ZBTB7C: variants seen among roughly 807,000 people sequenced by gnomAD.
ZBTB7C encodes zinc finger and BTB domain-containing protein 7C.
In ZBTB7C, 8 loss-of-function variants were observed where a neutral mutation model predicts 25.7. That is an observed-to-expected ratio of 0.31 (90% confidence interval 0.18 to 0.56). The LOEUF is 0.56. ZBTB7C is among the 20% of genes least tolerant of loss of function. The pLI is 0.91. For missense variants in ZBTB7C, 824 were observed against 855.2 expected, an observed-to-expected ratio of 0.96 and a Z score of 0.46; for synonymous variants, 394 against 369.0, an observed-to-expected ratio of 1.07 and a Z score of -0.78.
intron 2 of ZBTB7C, among the ~76,000 whole-genome samples, chr18:48,305,569 T>C (rs186593692): frequency 1.3e-4 from 20 of 152,260 alleles, no homozygotes; most frequent in Admixed American, 1.2e-3. Flanking sequence ...CTGGGTGCTA[T>C]AGAATCCAAG....
intron 1 of ZBTB7C, among the ~76,000 whole-genome samples, chr18:48,354,209 G>T (rs754696561): frequency 5.3e-5 from 8 of 152,134 alleles, no homozygotes; most frequent in Non-Finnish European, 1.2e-4. Context: ...GTTTGTTTAA[G>T]AGATGGGGTC....
chr18:48,395,264 A>ACTGTGT, intron 1 of ZBTB7C, among the ~76,000 whole-genome samples: 1 of 97,648 alleles, frequency 1.0e-5, no homozygotes, highest in East Asian at 4.3e-4. Flanking sequence ...AGAGAGAGAG[A>ACTGTGT]ATGTGTGTGT....
intron 2 of ZBTB7C, among the ~76,000 whole-genome samples, chr18:48,190,097 G>A (rs931601073): frequency 6.6e-6 from 1 of 152,126 alleles, no homozygotes; most frequent in African/African-American, 2.4e-5. Flanking sequence ...ATCATCATCC[G>A]TCCCTCTTCT....
chr18:48,204,159 C>T (rs2042523624), intron 2 of ZBTB7C, among the ~76,000 whole-genome samples: 1 of 152,206 alleles, frequency 6.6e-6, no homozygotes, highest in African/African-American at 2.4e-5. Context: ...CATCAGGTCA[C>T]ACTGCTTGCG....
At chr18:48,314,953 T>C (rs560169109) in intron 2 of ZBTB7C, among the ~76,000 whole-genome samples, 1 of 152,302 alleles carries the variant, frequency 6.6e-6, no homozygotes, top group African/African-American at 2.4e-5. Context: ...CTCCCCCTCC[T>C]GGGGGTCTGC....
chr18:48,086,748 G>A (rs534982802), intron 3 of ZBTB7C, among the ~76,000 whole-genome samples: 1 of 152,286 alleles, frequency 6.6e-6, no homozygotes, highest in African/African-American at 2.4e-5. Flanking sequence ...GGCTGAGCAG[G>A]CTTAGTACTT....
At chr18:48,368,862 T>C (rs931564866) in intron 1 of ZBTB7C, among the ~76,000 whole-genome samples, 14 of 152,148 alleles carry the variant, frequency 9.2e-5, no homozygotes, top group Admixed American at 6.5e-5. Context: ...CAAGTTATTC[T>C]GAGATAAAGG....
chr18:48,286,964 T>C (rs1023619075), intron 2 of ZBTB7C, among the ~76,000 whole-genome samples: 14 of 152,046 alleles, frequency 9.2e-5, no homozygotes, highest in Middle Eastern at 3.4e-3. Flanking sequence ...AGGTAGGAGA[T>C]TGCTTGAGCC....
At chr18:48,191,194 G>C (rs1284843878) in intron 2 of ZBTB7C, among the ~76,000 whole-genome samples, 1 of 152,172 alleles carries the variant, frequency 6.6e-6, no homozygotes, top group African/African-American at 2.4e-5. Flanking sequence ...CCAGCAGGTG[G>C]AAGATGAGCA....
intron 1 of ZBTB7C, among the ~76,000 whole-genome samples, chr18:48,369,897 T>C (rs1045066287): frequency 4.6e-5 from 7 of 152,104 alleles, no homozygotes; most frequent in Non-Finnish European, 8.8e-5. Context: ...CAATAGAATC[T>C]AATCAACATT....
At chr18:48,141,143 A>ACCCC (rs201273460) in intron 3 of ZBTB7C, among the ~76,000 whole-genome samples, 5 of 96,044 alleles carry the variant, frequency 5.2e-5, no homozygotes, top group Non-Finnish European at 8.5e-5. Flanking sequence ...TCCCCCCCGC[A>ACCCC]CCACCCCCCC....
rs1170358368 is a variant in ZBTB7C at position 48,029,464 on chromosome 18, C to G, written c.1656G>C (p.Glu552Asp). 2 of 1,597,346 alleles carry G rather than the reference C, an allele frequency of 1.3e-6. No homozygotes were observed. Among genetic ancestry groups the G allele is most frequent in the African/African-American group, 1.4e-5 (1 of 73,858 alleles). Residue 552 changes from glutamate (E) to aspartate (D), a missense_variant, in exon 5 of 5, where the codon GAG becomes GAC. By Grantham distance (45) the Glu-to-Asp change is conservative (BLOSUM62 2). Transcript: ENST00000590800. Reference sequence around the variant, plus strand: ...GCCCGAACAGCTTCATCTGTGTCTCCTCGAACTGCCGCTCCAGCTCTTGCA... The same window carrying G: ...GCCCGAACAGCTTCATCTGTGTCTCGTCGAACTGCCGCTCCAGCTCTTGCA... ...LSLQELERQFEETQMKLFGRA... is the reference protein window; with the variant it reads ...LSLQELERQFDETQMKLFGRA...
chr18:48,320,541 C>T (rs2046065363), intron 2 of ZBTB7C, among the ~76,000 whole-genome samples: 1 of 152,144 alleles, frequency 6.6e-6, no homozygotes, highest in Admixed American at 6.5e-5. Context: ...TGAGAGATGA[C>T]AGTGGAAGAG....
At chr18:48,082,347 G>A (rs537535810) in intron 3 of ZBTB7C, among the ~76,000 whole-genome samples, 17 of 152,140 alleles carry the variant, frequency 1.1e-4, no homozygotes, top group Non-Finnish European at 2.2e-4. Context: ...GCCTGGGAAT[G>A]ATCAAATTGT....
chr18:48,220,393 G>A (rs2042921203), intron 2 of ZBTB7C, among the ~76,000 whole-genome samples: 1 of 152,168 alleles, frequency 6.6e-6, no homozygotes, highest in South Asian at 2.1e-4. Flanking sequence ...CAAACAGCAA[G>A]CAGGCCTTAC....
chr18:48,360,288 G>A (rs770528126), intron 1 of ZBTB7C, among the ~76,000 whole-genome samples: 2 of 152,190 alleles, frequency 1.3e-5, no homozygotes, highest in South Asian at 2.1e-4. Flanking sequence ...ACCGAACTGC[G>A]GACAGAGCAG....
At chr18:48,202,954 C>T (rs374604180) in intron 2 of ZBTB7C, among the ~76,000 whole-genome samples, 17 of 152,104 alleles carry the variant, frequency 1.1e-4, no homozygotes, top group South Asian at 4.2e-4. Context: ...TCCCCACCTA[C>T]GCCCCTGGCC....
chr18:48,066,287 C>T (rs140352782), intron 3 of ZBTB7C, among the ~76,000 whole-genome samples: 61 of 152,348 alleles, frequency 4.0e-4, no homozygotes, highest in Non-Finnish European at 7.9e-4. Flanking sequence ...CAATCTCTGG[C>T]TAACATCACA....
chr18:48,116,567 G>A (rs773342110), intron 3 of ZBTB7C, among the ~76,000 whole-genome samples: 9 of 152,044 alleles, frequency 5.9e-5, no homozygotes, highest in Non-Finnish European at 8.8e-5. Context: ...ACGGGGGTCC[G>A]CCAGTTGCCG....
Sources: allele counts gnomAD v4.1 joint callset (sites outside exome capture counted in the v4.1 genomes callset), GRCh38; gene constraint gnomAD v4.1.1; transcripts MANE v1.5; gene names NCBI Gene and HGNC (gene_info 2026-07-23, HGNC 2026-07-21).